Variants in FER1L6 observed in about 807,000 individuals in gnomAD.
FER1L6 encodes fer-1 like family member 6, also known as fer-1-like protein 6.
In FER1L6, 177 loss-of-function variants were observed where a neutral mutation model predicts 219.2. That is an observed-to-expected ratio of 0.81 (90% CI 0.71 to 0.91). The LOEUF is 0.91. Among genes scored for constraint, FER1L6 ranks in the 40% least tolerant of loss-of-function variants. The pLI is 0.00. For synonymous variants in FER1L6, 768 were observed against 824.3 expected, an observed-to-expected ratio of 0.93 and a Z score of 1.17; for missense variants, 2,153 against 2,259.9, an observed-to-expected ratio of 0.95 and a Z score of 0.96.
At chr8:124,024,475 T>C (rs1818618370) in intron 18 of FER1L6, among the ~76,000 whole-genome samples, 1 of 152,160 alleles carries the variant, frequency 6.6e-6, no homozygotes, top group Admixed American at 6.5e-5. Context: ...ATTCTTGAGT[T>C]ACTTCACTTA....
At chr8:123,975,062 C>A (rs1372640458) in intron 7 of FER1L6, 88 bp from the exon 8 acceptor site, 5 of 1,234,050 alleles carry the variant, frequency 4.1e-6, no homozygotes, top group Non-Finnish European at 5.5e-6. Flanking sequence ...GGGAGGAGAG[C>A]CTGGGAGGCC....
At chr8:124,117,700 T>C (rs545472485) in intron 39 of FER1L6, among the ~76,000 whole-genome samples, 1 of 152,312 alleles carries the variant, frequency 6.6e-6, no homozygotes, top group East Asian at 1.9e-4. Flanking sequence ...CCCTCAACCT[T>C]ACCCCATGTA....
chr8:123,987,452 T>A (rs1414887246), intron 12 of FER1L6, among the ~76,000 whole-genome samples: 1 of 152,206 alleles, frequency 6.6e-6, no homozygotes, highest in Non-Finnish European at 1.5e-5. Flanking sequence ...GATGCAGATA[T>A]TTTCTCCTGT....
At chr8:123,918,598 G>T (rs1295107193) in intron 1 of FER1L6, among the ~76,000 whole-genome samples, 2 of 150,886 alleles carry the variant, frequency 1.3e-5, no homozygotes, top group Admixed American at 1.3e-4. Context: ...GGAGGTTGAG[G>T]TTTAGCTGAA....
intron 22 of FER1L6, among the ~76,000 whole-genome samples, chr8:124,053,732 C>A (rs1265137872): frequency 6.6e-6 from 1 of 152,076 alleles, no homozygotes; most frequent in Non-Finnish European, 1.5e-5. Context: ...ATGGCACATG[C>A]TCATGGTGCC....
Position 123,921,417 on chromosome 8 carries a change from T to C in FER1L6, c.-7-34575T>C, listed in dbSNP as rs536279082. 2.0e-5 allele frequency among the ~76,000 whole-genome samples: 3 copies of C among 152,300 alleles called. No homozygotes were observed. The South Asian group carries it at 6.2e-4, about 32-fold the overall frequency. On this transcript the variant is annotated intron_variant, in intron 1 of 40. Transcript: ENST00000522917. ...TTTTACTCTGTCGTCTAGGCTGGAG[T>C]GCAGTCGTGCCATCTTGCCTCACTG...
chr8:124,041,392 G>C (rs1466157459), intron 20 of FER1L6, among the ~76,000 whole-genome samples: 1 of 152,384 alleles, frequency 6.6e-6, no homozygotes, highest in East Asian at 1.9e-4. Context: ...CCATGACCTC[G>C]ATGATAGAGT....
At chr8:124,060,322 T>C in intron 23 of FER1L6, 32 bp downstream of exon 23, 2 of 1,604,712 alleles carry the variant, frequency 1.2e-6, no homozygotes, top group Admixed American at 1.7e-5. Context: ...GAGTTGTTCT[T>C]TGGCACTCAA....
At chr8:123,938,026 G>C (rs1343973243) in intron 1 of FER1L6, among the ~76,000 whole-genome samples, 1 of 152,192 alleles carries the variant, frequency 6.6e-6, no homozygotes, top group Non-Finnish European at 1.5e-5. Flanking sequence ...AATGACACCT[G>C]ATCAGTGAAG....
intron 1 of FER1L6, among the ~76,000 whole-genome samples, chr8:123,882,527 T>C (rs1235452996): frequency 1.3e-5 from 2 of 152,212 alleles, no homozygotes; most frequent in African/African-American, 4.8e-5. Context: ...ATGCTAGGCA[T>C]TGAGAACACA....
At chr8:123,922,982 A>C (rs1813419827) in intron 1 of FER1L6, among the ~76,000 whole-genome samples, 1 of 147,540 alleles carries the variant, frequency 6.8e-6, no homozygotes, top group Non-Finnish European at 1.5e-5. Flanking sequence ...GCCCCCCCCC[A>C]GACCCCCATT....
intron 1 of FER1L6, among the ~76,000 whole-genome samples, chr8:123,925,092 G>T (rs1160419102): frequency 6.6e-6 from 1 of 152,104 alleles, no homozygotes; most frequent in Non-Finnish European, 1.5e-5. Context: ...TTTTATTCTT[G>T]TATTAAGGTA....
In FER1L6 at chr8:123,865,270, G is replaced by T. The variant is rs547669181; in HGVS notation, c.-8+13085G>T. Among the ~76,000 whole-genome samples the T allele has an allele frequency of 1.7e-4, 25 of 150,074 alleles. No individual in the cohort carries two copies. In the South Asian group the frequency reaches 2.7e-3, roughly 16 times the overall value. On this transcript the variant is annotated intron_variant, in intron 1 of 40. Transcript: ENST00000522917. ...AGGTGTCAGTGTGCCCCTGCTGGGG[G>T]GTGCCTCCCAGTTAGGCTGCTCAGG... is the stretch of plus-strand genomic sequence containing the variant.
intron 1 of FER1L6, among the ~76,000 whole-genome samples, chr8:123,901,151 G>T (rs1812848894): frequency 6.6e-6 from 1 of 152,072 alleles, no homozygotes; most frequent in African/African-American, 2.4e-5. Flanking sequence ...TTTGTTGTTG[G>T]TAATTTGTAA....
intron 1 of FER1L6, among the ~76,000 whole-genome samples, chr8:123,898,812 T>TATATATACATATGTGTATATATATAC (rs1554613199): frequency 7.2e-6 from 1 of 138,494 alleles, no homozygotes; most frequent in Non-Finnish European, 1.5e-5. Context: ...TACACATATA[T>TATATATACATATGTGTATATATATAC]ATACATATGT....
At chr8:123,984,678 C>T (rs1020998741) in intron 11 of FER1L6, 2 of 152,134 alleles carry the variant, frequency 1.3e-5, no homozygotes, top group Non-Finnish European at 2.9e-5. Flanking sequence ...GAGCCTCACC[C>T]TGTTCGACAT....
intron 33 of FER1L6, among the ~76,000 whole-genome samples, chr8:124,085,854 A>T (rs776277228): frequency 6.6e-6 from 1 of 151,878 alleles, no homozygotes; most frequent in Non-Finnish European, 1.5e-5. Context: ...ATTGGGGTGT[A>T]TCTCTCTCTT....
chr8:124,010,285 A>G, intron 13 of FER1L6, among the ~76,000 whole-genome samples: 1 of 152,190 alleles, frequency 6.6e-6, no homozygotes, highest in East Asian at 1.9e-4. Context: ...AAATTAATTA[A>G]ATAAAAATAA....
chr8:123,855,078 T>A (rs186656764), intron 1 of FER1L6, among the ~76,000 whole-genome samples: 190 of 152,304 alleles, frequency 1.2e-3, no homozygotes, highest in Non-Finnish European at 2.2e-3. Flanking sequence ...TCACAATGAA[T>A]CTGCATTTTG....
Sources: gnomAD v4.1 joint callset for allele counts (sites outside exome capture counted in the v4.1 genomes callset) on GRCh38, gnomAD v4.1.1 for gene constraint, MANE v1.5 for transcripts, NCBI Gene and HGNC (gene_info 2026-07-23, HGNC 2026-07-21) for gene names.